The following DIAPH3 variants were observed in gnomAD, a reference collection of about 807,000 sequenced individuals.
DIAPH3 encodes diaphanous related formin 3.
Under a neutral mutation model 144.3 loss-of-function variants are expected in DIAPH3, and 117 were observed. That is an observed-to-expected ratio of 0.81 (90% CI 0.70 to 0.95). The LOEUF (loss-of-function observed/expected upper bound fraction) is 0.95, where lower values mean the gene tolerates loss of function less well. DIAPH3 is among the 40% of genes least tolerant of loss of function. The pLI is 0.00. For synonymous variants in DIAPH3, 519 were observed against 488.9 expected (o/e 1.06, Z -0.81); for missense variants, 1,421 against 1,412.7 (o/e 1.01, Z -0.09).
chr13:59,670,989 C>G (rs1373107550), intron 27 of DIAPH3, among the ~76,000 whole-genome samples: 1 of 152,156 alleles, frequency 6.6e-6, no homozygotes, highest in East Asian at 1.9e-4. Flanking sequence ...AGCCACTGTG[C>G]CTGCTGACCC....
intron 2 of DIAPH3, among the ~76,000 whole-genome samples, chr13:60,122,764 C>T (rs1026489979): frequency 6.6e-6 from 1 of 151,618 alleles, no homozygotes; most frequent in Admixed American, 6.6e-5. Flanking sequence ...ACACTAAAAA[C>T]AAGGATAACT....
chr13:59,727,306 T>C (rs1284480908), intron 27 of DIAPH3, among the ~76,000 whole-genome samples: 1 of 152,004 alleles, frequency 6.6e-6, no homozygotes, highest in Non-Finnish European at 1.5e-5. Context: ...AAAAAAACAA[T>C]TGTTTGTTAT....
At chr13:59,943,467 C>G (rs1213562368) in intron 17 of DIAPH3, among the ~76,000 whole-genome samples, 1 of 152,150 alleles carries the variant, frequency 6.6e-6, no homozygotes, top group East Asian at 1.9e-4. Flanking sequence ...TGTAATAGCT[C>G]TCAATATGGA....
chr13:60,043,390 A>G (rs1267615193), intron 4 of DIAPH3, among the ~76,000 whole-genome samples: 5 of 152,228 alleles, frequency 3.3e-5, no homozygotes, highest in African/African-American at 1.2e-4. Flanking sequence ...TTGGCAGAAC[A>G]GATCAGGGAA....
chr13:60,066,839 C>T (rs755142084), intron 4 of DIAPH3, among the ~76,000 whole-genome samples: 1 of 152,180 alleles, frequency 6.6e-6, no homozygotes, highest in African/African-American at 2.4e-5. Flanking sequence ...TTAGATTGCT[C>T]AATCATCAAT....
intron 4 of DIAPH3, among the ~76,000 whole-genome samples, chr13:60,082,081 T>C (rs540603937): frequency 6.6e-6 from 1 of 150,462 alleles, no homozygotes; most frequent in South Asian, 2.1e-4. Context: ...AGAGAATATA[T>C]AAGACATGAA....
rs1395173650 is a variant in DIAPH3, at chr13:59,868,448, AAACT to A, written c.2608-6916_2608-6913del. ...TAGAGCAATTTTAGCTTTACAGGAA[AAACT>A]AACAGAAAACAGAGTTCCTGTATAC... On this transcript the variant is annotated intron_variant, in intron 21 of 27. Transcript: ENST00000400324. Among the ~76,000 whole-genome samples, 5 of 152,200 alleles carry A rather than the reference AAACT, an allele frequency of 3.3e-5. No homozygotes were observed. The East Asian group carries it at 5.8e-4, about 18-fold the overall frequency.
At chr13:60,031,258 T>C (rs935099141) in intron 5 of DIAPH3, among the ~76,000 whole-genome samples, 9 of 152,174 alleles carry the variant, frequency 5.9e-5, no homozygotes, top group Non-Finnish European at 1.0e-4. Context: ...TTGTAAATGA[T>C]GAGATCTTAC....
At position 59,794,559 on chromosome 13, in the gene DIAPH3, C is replaced by A. The variant is rs982598480; in HGVS notation, c.3163+16229G>T. Among the ~76,000 whole-genome samples the A allele has an allele frequency of 2.6e-5, 4 of 151,982 alleles. No individual in the cohort carries two copies. The East Asian group carries it at 7.7e-4, about 29-fold the overall frequency. ...AATGTATCATTCATTTGAAAAGTTA[C>A]AGATCTGTTGGATAGTGCCAGTGGT... On this transcript the variant is annotated intron_variant, in intron 25 of 27. Coordinates refer to ENST00000400324, the MANE Select transcript of DIAPH3 (RefSeq NM_001042517.2).
At chr13:60,119,513 C>T (rs538523022) in intron 2 of DIAPH3, among the ~76,000 whole-genome samples, 5 of 151,830 alleles carry the variant, frequency 3.3e-5, no homozygotes, top group East Asian at 1.9e-4. Context: ...TTTGGGAGGC[C>T]GAGGCGGGTG....
chr13:59,919,362 A>G (rs943652709), intron 18 of DIAPH3, among the ~76,000 whole-genome samples: 1 of 152,142 alleles, frequency 6.6e-6, no homozygotes, highest in African/African-American at 2.4e-5. Context: ...CCATGACATT[A>G]TAATCAAACT....
intron 27 of DIAPH3, 132 bp downstream of exon 27, chr13:59,774,057 T>A: frequency 1.1e-6 from 1 of 880,220 alleles, no homozygotes; most frequent in Non-Finnish European, 1.8e-6. Context: ...ATAGCAAATA[T>A]GTACATGCAC....
chr13:59,718,546 C>T (rs966469062), intron 27 of DIAPH3, among the ~76,000 whole-genome samples: 1 of 152,088 alleles, frequency 6.6e-6, no homozygotes, highest in African/African-American at 2.4e-5. Flanking sequence ...GGTTAATGTG[C>T]CTGTTAAGAT....
At chr13:59,822,843 G>T (rs1450329410) in intron 24 of DIAPH3, among the ~76,000 whole-genome samples, 4 of 152,004 alleles carry the variant, frequency 2.6e-5, no homozygotes, top group Non-Finnish European at 5.9e-5. Flanking sequence ...CTATGTGAGG[G>T]TGTATGAGAA....
chr13:59,750,050 TAA>T (rs2036924618), intron 27 of DIAPH3, among the ~76,000 whole-genome samples: 1 of 152,198 alleles, frequency 6.6e-6, no homozygotes. Context: ...GAATCTGTGG[TAA>T]TGACTGGGTC....
intron 21 of DIAPH3, among the ~76,000 whole-genome samples, chr13:59,867,413 T>C (rs1488005226): frequency 6.6e-6 from 1 of 151,950 alleles, no homozygotes; most frequent in Admixed American, 6.6e-5. Context: ...CAATTGATAT[T>C]ATATAAATTA....
chr13:59,714,008 G>A (rs34195538), intron 27 of DIAPH3, among the ~76,000 whole-genome samples: 31,375 of 152,052 alleles, frequency 0.21, 4,070 homozygotes, highest in Non-Finnish European at 0.29. Flanking sequence ...TTGATGATAG[G>A]AGTTAGAGAC....
intron 22 of DIAPH3, among the ~76,000 whole-genome samples, chr13:59,846,909 C>G (rs564895482): frequency 6.6e-6 from 1 of 152,132 alleles, no homozygotes; most frequent in East Asian, 1.9e-4. Context: ...AACCCCATCT[C>G]TATAAATTTT....
intron 27 of DIAPH3, among the ~76,000 whole-genome samples, chr13:59,727,947 A>T (rs2035689035): frequency 6.6e-6 from 1 of 152,160 alleles, no homozygotes; most frequent in African/African-American, 2.4e-5. Context: ...AACAACAACA[A>T]AAAGTCAAAA....
Sources: allele counts gnomAD v4.1 joint callset (sites outside exome capture counted in the v4.1 genomes callset), GRCh38; gene constraint gnomAD v4.1.1; transcripts MANE v1.5; gene names NCBI Gene and HGNC (gene_info 2026-07-23, HGNC 2026-07-21).